HSD17B7: variants seen among roughly 807,000 people sequenced by gnomAD.
HSD17B7 encodes the protein 3-keto-steroid reductase/17-beta-hydroxysteroid dehydrogenase 7.
A neutral mutation model predicts 34.1 loss-of-function variants in HSD17B7; 17 were observed. The observed-to-expected ratio is 0.50, with a 90% CI of 0.34 to 0.75. The LOEUF is 0.75. Among genes scored for constraint, HSD17B7 ranks in the 30% least tolerant of loss-of-function variants. The pLI, the probability that HSD17B7 is intolerant of heterozygous loss-of-function variation, is 0.01. For synonymous variants in HSD17B7, 122 were observed against 154.6 expected, an observed-to-expected ratio of 0.79 and a Z score of 1.56; for missense variants, 296 against 406.6, an observed-to-expected ratio of 0.73 and a Z score of 2.34.
At chr1:162,801,126 T>C (rs886872429) in intron 5 of HSD17B7, among the ~76,000 whole-genome samples, 5 of 152,172 alleles carry the variant, frequency 3.3e-5, no homozygotes, top group Non-Finnish European at 5.9e-5. Context: ...ATTACAGGGA[T>C]GTGCCACCAC....
intron 8 of HSD17B7, among the ~76,000 whole-genome samples, chr1:162,808,739 G>A (rs1649073358): frequency 6.6e-6 from 1 of 152,118 alleles, no homozygotes; most frequent in African/African-American, 2.4e-5. Context: ...AATTGTGAAT[G>A]GGAGTTCACT....
At chr1:162,792,907 G>C in intron 2 of HSD17B7, 45 bp downstream of exon 2, 5 of 1,568,372 alleles carry the variant, frequency 3.2e-6, no homozygotes, top group South Asian at 1.1e-5. Flanking sequence ...TGATTGTGCA[G>C]CATAACACTT....
intron 8 of HSD17B7, among the ~76,000 whole-genome samples, chr1:162,811,045 G>A (rs1338611589): frequency 1.3e-5 from 2 of 152,172 alleles, no homozygotes; most frequent in African/African-American, 2.4e-5. Context: ...TCCTAGCATC[G>A]CTGGTCTTTA....
At chr1:162,812,151 C>G in intron 8 of HSD17B7, 147 bp from the exon 9 acceptor site, 1 of 1,019,008 alleles carries the variant, frequency 9.8e-7, no homozygotes, top group African/African-American at 1.6e-5. Context: ...TCTTCAGGCT[C>G]TCAGCTTCTT....
At chr1:162,800,319 G>A (rs895187849) in intron 5 of HSD17B7, 17 of 457,176 alleles carry the variant, frequency 3.7e-5, no homozygotes, top group Non-Finnish European at 7.0e-5. Context: ...GAGAACTTAA[G>A]TCATTTACCT....
At chr1:162,791,186 C>G (rs1187946447) in intron 1 of HSD17B7, among the ~76,000 whole-genome samples, 2 of 152,116 alleles carry the variant, frequency 1.3e-5, no homozygotes, top group Non-Finnish European at 2.9e-5. Flanking sequence ...TTGCTCCTGA[C>G]CACGTGATCA....
At chr1:162,807,052 C>T (rs1466775772) in intron 8 of HSD17B7, among the ~76,000 whole-genome samples, 1 of 152,094 alleles carries the variant, frequency 6.6e-6, no homozygotes, top group Non-Finnish European at 1.5e-5. Context: ...TATACATGTG[C>T]CATGTTGGTG....
Position 162,790,717 on chromosome 1 carries a change from A to C in HSD17B7, c.-84A>C, listed in dbSNP as rs1648366219. The C allele has an allele frequency of 1.1e-6, 1 of 871,244 alleles. No individual in the cohort carries two copies. The highest frequency in any genetic ancestry group is 2.7e-5 in the East Asian group (1 of 37,026). The allele number at this position is 871,244 out of a possible 1,614,324, so 54.0% of individuals were successfully genotyped here. ...GGGCGTGGCCGTACTCTGATTGGTG[A>C]CGGGTGAGGCGGCCCGAAATCGTAG... On this transcript the variant is annotated 5_prime_UTR_variant, in exon 1 of 9. Coordinates refer to ENST00000254521, the MANE Select transcript of HSD17B7 (RefSeq NM_016371.4).
At position 162,812,642 on chromosome 1, in the gene HSD17B7, C is replaced by A; in HGVS notation, c.*222C>A. On this transcript the variant is annotated 3_prime_UTR_variant, in exon 9 of 9. Coordinates refer to ENST00000254521, the MANE Select transcript of HSD17B7 (RefSeq NM_016371.4). The stretch of plus-strand genomic sequence containing the variant: ...GCAGTGAGCTGAGATTGTGCCACTG[C>A]ACTCCAGCCTGGGTGACAGCGAGAC... 2.9e-6 allele frequency: 1 copy of A among 343,290 alleles called. No homozygotes were observed. The highest frequency in any genetic ancestry group is 6.8e-5 in the South Asian group (1 of 14,794). The allele number at this position is 343,290 out of a possible 1,614,324, so 21.3% of individuals were successfully genotyped here.
intron 5 of HSD17B7, among the ~76,000 whole-genome samples, chr1:162,802,161 C>T (rs2102234350): frequency 6.6e-6 from 1 of 152,346 alleles, no homozygotes; most frequent in East Asian, 1.9e-4. Flanking sequence ...TCAGGATCAT[C>T]ACAATTTAAT....
chr1:162,800,158 A>C (rs1254003164), intron 5 of HSD17B7: 1 of 683,982 alleles, frequency 1.5e-6, no homozygotes, highest in African/African-American at 1.8e-5. Context: ...ATGTTAACAG[A>C]GTGACACTAC....
At chr1:162,802,726 A>C (rs911595288) in intron 5 of HSD17B7, among the ~76,000 whole-genome samples, 5 of 152,218 alleles carry the variant, frequency 3.3e-5, no homozygotes, top group African/African-American at 9.7e-5. Flanking sequence ...TAGTAAAACA[A>C]ATCCCAATAA....
rs539020595 is a variant in HSD17B7 at position 162,812,659 on chromosome 1, C to T, written c.*239C>T. On this transcript the variant is annotated 3_prime_UTR_variant, in exon 9 of 9. Coordinates refer to ENST00000254521, the MANE Select transcript of HSD17B7 (RefSeq NM_016371.4). ...TGCCACTGCACTCCAGCCTGGGTGACAGCGAGACCCTGTCTCAAAATATGT... is the reference window on the plus strand; with the variant it reads ...TGCCACTGCACTCCAGCCTGGGTGATAGCGAGACCCTGTCTCAAAATATGT... The T allele has an allele frequency of 1.0e-5, 3 of 294,064 alleles. No homozygotes were observed. In the Admixed American group the frequency reaches 1.4e-4, roughly 13 times the overall value. The allele number at this position is 294,064 out of a possible 1,614,324, so 18.2% of individuals were successfully genotyped here. A position where few individuals can be genotyped will look rare whatever the true frequency, so the allele number is the denominator to read the frequency against.
intron 2 of HSD17B7, among the ~76,000 whole-genome samples, chr1:162,796,068 A>G (rs983307955): frequency 1.3e-5 from 2 of 152,174 alleles, no homozygotes; most frequent in African/African-American, 4.8e-5. Flanking sequence ...AGGTTTCCAC[A>G]TGGATCTTCT....
chr1:162,804,304 A>G lies in HSD17B7; in HGVS notation c.785A>G (p.Tyr262Cys), dbSNP rs1471439243. 3 of 1,605,270 alleles carry G rather than the reference A, an allele frequency of 1.9e-6. No individual in the cohort carries two copies. Among genetic ancestry groups the G allele is most frequent in the East Asian group, 2.2e-5 (1 of 44,792 alleles). The change falls in exon 7 of 9, where the codon TAT (tyrosine) becomes TGT (cysteine). Residue 262 changes from tyrosine (Y) to cysteine (C), a missense_variant. Coordinates refer to ENST00000254521, the MANE Select transcript of HSD17B7 (RefSeq NM_016371.4). ...FFANAFTLTP[Y>C]NGTEALVWLF... Reference sequence around the variant, plus strand: ...GCAAATGCATTCACTTTGACACCATATAATGGAACAGAAGCTCTGGTATGT... The same window carrying G: ...GCAAATGCATTCACTTTGACACCATGTAATGGAACAGAAGCTCTGGTATGT...
intron 8 of HSD17B7, among the ~76,000 whole-genome samples, chr1:162,809,296 G>A (rs573554827): frequency 2.0e-5 from 3 of 152,304 alleles, no homozygotes; most frequent in African/African-American, 7.2e-5. Flanking sequence ...TGTTGAATCA[G>A]CCTTGCATCC....
chr1:162,811,202 T>C (rs1649159613), intron 8 of HSD17B7, among the ~76,000 whole-genome samples: 1 of 152,186 alleles, frequency 6.6e-6, no homozygotes, highest in African/African-American at 2.4e-5. Context: ...TCTCCTTCAC[T>C]TATGAAGCTA....
intron 8 of HSD17B7, among the ~76,000 whole-genome samples, chr1:162,806,221 C>T (rs1337794296): frequency 6.6e-6 from 1 of 152,198 alleles, no homozygotes; most frequent in Non-Finnish European, 1.5e-5. Context: ...CCCTGATTTT[C>T]CACTGTCCAG....
At chr1:162,795,988 T>C (rs1459862633) in intron 2 of HSD17B7, among the ~76,000 whole-genome samples, 3 of 150,702 alleles carry the variant, frequency 2.0e-5, no homozygotes, top group Non-Finnish European at 4.4e-5. Flanking sequence ...ATTTATCTTT[T>C]ATAATCTCAG....
Sources: allele counts gnomAD v4.1 joint callset (sites outside exome capture counted in the v4.1 genomes callset), GRCh38; gene constraint gnomAD v4.1.1; transcripts MANE v1.5; gene names NCBI Gene and HGNC (gene_info 2026-07-23, HGNC 2026-07-21).